Variants in NISCH observed in about 807,000 individuals in gnomAD.
The protein encoded by NISCH is nischarin.
A neutral mutation model predicts 138.4 loss-of-function variants in NISCH; 55 were observed. The observed-to-expected ratio is 0.40, with a 90% CI of 0.32 to 0.50. The LOEUF (loss-of-function observed/expected upper bound fraction) is 0.50. Ranked by LOEUF, NISCH falls within the 20% of genes least tolerant of loss-of-function variation. The pLI, the probability that NISCH is intolerant of heterozygous loss-of-function variation, is 0.71. For missense variants in NISCH, 1,643 were observed against 2,005.5 expected, an observed-to-expected ratio of 0.82 and a Z score of 3.45; for synonymous variants, 860 against 861.5, an observed-to-expected ratio of 1.00 and a Z score of 0.03.
intron 3 of NISCH, among the ~76,000 whole-genome samples, chr3:52,463,901 T>G (rs920857666): frequency 6.6e-6 from 1 of 150,830 alleles, no homozygotes. Context: ...TTTTTGTATT[T>G]TTTTCATTAG....
chr3:52,475,013 A>G (rs11721286), intron 7 of NISCH, among the ~76,000 whole-genome samples: 146,087 of 152,280 alleles, frequency 0.96, 70,123 homozygotes, highest in African/African-American at 0.99. Context: ...TTCCCTGGGT[A>G]TAGAAAAGGC....
intron 3 of NISCH, among the ~76,000 whole-genome samples, chr3:52,470,366 G>T (rs1320595502): frequency 6.6e-6 from 1 of 152,200 alleles, no homozygotes; most frequent in Non-Finnish European, 1.5e-5. Context: ...CTTTTCCTGA[G>T]ACACATTTGA....
chr3:52,468,790 T>G (rs753504862), intron 3 of NISCH, among the ~76,000 whole-genome samples: 1 of 152,074 alleles, frequency 6.6e-6, no homozygotes, highest in Non-Finnish European at 1.5e-5. Flanking sequence ...GTATATAAAC[T>G]GAATTTCAAG....
At chr3:52,477,524 T>A in intron 8 of NISCH, 50 bp from the exon 9 acceptor site, 1 of 1,516,046 alleles carries the variant, frequency 6.6e-7, no homozygotes, top group Non-Finnish European at 9.2e-7. Flanking sequence ...GGGACCGTGT[T>A]TGGGGTCCAG....
chr3:52,477,437 C>T, intron 8 of NISCH, 137 bp from the exon 9 acceptor site: 1 of 677,470 alleles, frequency 1.5e-6, no homozygotes, highest in South Asian at 1.7e-5. Context: ...AGATGTCCCA[C>T]CAGTGGTCCT....
At chr3:52,471,108 CG>C (rs1706934167) in intron 4 of NISCH, among the ~76,000 whole-genome samples, 2 of 152,138 alleles carry the variant, frequency 1.3e-5, no homozygotes, top group Admixed American at 6.5e-5. Flanking sequence ...TGTTCCAAAG[CG>C]CTGTGGTGGG....
Position 52,466,481 on chromosome 3 carries a change from C to T in NISCH, c.361-4378C>T, listed in dbSNP as rs1377555787. ...TCCAGAGACTCAGGCAGGAGAATTG[C>T]TTGAACCCAGGAGGCGGAGGTTGTA... is the stretch of plus-strand genomic sequence containing the variant. On this transcript the variant is annotated intron_variant, in intron 3 of 20. Transcript: ENST00000345716. Among the ~76,000 whole-genome samples, 4 of 151,152 alleles carry T rather than the reference C, an allele frequency of 2.6e-5. No homozygotes were observed. The East Asian group carries it at 7.8e-4, about 30-fold the overall frequency.
Position 52,490,744 on chromosome 3 carries a change from C to T in NISCH, c.3653C>T (p.Pro1218Leu), listed in dbSNP as rs1229262046. 2 of 1,614,214 alleles carry T rather than the reference C, an allele frequency of 1.2e-6. No individual in the cohort carries two copies. The highest frequency in any genetic ancestry group is 2.2e-5 in the East Asian group (1 of 44,890). The stretch of plus-strand genomic sequence containing the variant: ...AAAAACACCGACTACAACAACAGCC[C>T]TTTCCACATCTCCCAGTGCTTCGTG... ...HQKNTDYNNS[P>L]FHISQCFVLK... is the part of the protein sequence containing the mutation. Residue 1218 changes from proline to leucine, a missense_variant, in exon 19 of 21, where the codon CCT becomes CTT. By Grantham distance (98) the Pro-to-Leu change is moderately conservative. Coordinates refer to ENST00000345716, the MANE Select transcript of NISCH (RefSeq NM_007184.4).
chr3:52,479,669 A>G (rs886317333), intron 11 of NISCH, 80 bp from the exon 12 acceptor site: 7 of 1,004,630 alleles, frequency 7.0e-6, no homozygotes, highest in Middle Eastern at 2.1e-4. Context: ...ACCAGTCCCC[A>G]TGCTGATAGC....
intron 3 of NISCH, among the ~76,000 whole-genome samples, chr3:52,460,130 G>A (rs1055182256): frequency 1.6e-5 from 2 of 123,644 alleles, no homozygotes; most frequent in Non-Finnish European, 3.1e-5. Context: ...GCAGTAAGTC[G>A]AGATCATGTC....
chr3:52,457,894 C>T lies in NISCH; in HGVS notation c.145C>T (p.Arg49Cys). 2 of 1,611,474 alleles carry T rather than the reference C, an allele frequency of 1.2e-6. No individual in the cohort carries two copies. The highest frequency in any genetic ancestry group is 1.7e-6 in the Non-Finnish European group (2 of 1,177,806). The part of the protein sequence containing the change: ...DGSHEWTVKH[R>C]YSDFHDLHEK... ...CAGCCATGAGTGGACAGTAAAGCACCGCTACAGCGACTTCCATGACCTGCA... is the reference window on the plus strand; with the variant it reads ...CAGCCATGAGTGGACAGTAAAGCACTGCTACAGCGACTTCCATGACCTGCA... Residue 49 changes from arginine to cysteine, a missense_variant, in exon 2 of 21, where the codon CGC becomes TGC. Physicochemically the swap from Arg to Cys is radical, Grantham distance 180 (BLOSUM62 -3). Coordinates refer to ENST00000345716, the MANE Select transcript of NISCH (RefSeq NM_007184.4).
At chr3:52,474,454 A>G (rs905983910) in intron 7 of NISCH, among the ~76,000 whole-genome samples, 35 of 151,910 alleles carry the variant, frequency 2.3e-4, no homozygotes, top group African/African-American at 7.2e-4. Context: ...CCGCCACCAC[A>G]CCCAGCTAAT....
intron 13 of NISCH, chr3:52,481,062 C>A: frequency 7.5e-7 from 1 of 1,327,644 alleles, no homozygotes. Flanking sequence ...GAAAACAGTT[C>A]AACCCGATGT....
intron 3 of NISCH, among the ~76,000 whole-genome samples, chr3:52,469,182 T>TG (rs1219547842): frequency 6.6e-6 from 1 of 152,066 alleles, no homozygotes; most frequent in Admixed American, 6.6e-5. Flanking sequence ...CTGTGAGTTA[T>TG]GAGGATTATG....
intron 3 of NISCH, among the ~76,000 whole-genome samples, chr3:52,460,143 T>A (rs1216548003): frequency 1.6e-5 from 2 of 122,762 alleles, no homozygotes; most frequent in Middle Eastern, 5.0e-3. Context: ...ATCATGTCAC[T>A]GCACTCCAGC....
chr3:52,488,925 G>T (rs1707487491), intron 16 of NISCH, among the ~76,000 whole-genome samples: 1 of 152,232 alleles, frequency 6.6e-6, no homozygotes, highest in African/African-American at 2.4e-5. Context: ...GCAACAGGCT[G>T]CAGCACACCG....
intron 3 of NISCH, among the ~76,000 whole-genome samples, chr3:52,459,591 A>G (rs1706574595): frequency 6.6e-6 from 1 of 151,788 alleles, no homozygotes; most frequent in Non-Finnish European, 1.5e-5. Context: ...GCACCACCAC[A>G]CCCAGCTAAT....
Position 52,491,345 on chromosome 3 carries a change from C to T in NISCH, c.3743-7C>T, listed in dbSNP as rs1268600144. ...CCTGTGGCCCTGACCAGCCCCTTCT[C>T]GTGCAGGTTCCACCCCGATGCAGGT... On this transcript the variant is annotated splice_region_variant and splice_polypyrimidine_tract_variant and intron_variant, in intron 19 of 20. Transcript: ENST00000345716. 6.2e-6 allele frequency: 10 copies of T among 1,608,184 alleles called. No individual in the cohort carries two copies. The highest frequency in any genetic ancestry group is 2.7e-5 in the African/African-American group (2 of 74,898).
rs1157510634 is a variant in NISCH, at chr3:52,473,825, T to A, written c.761T>A (p.Met254Lys). 1 of 1,605,834 alleles carries A rather than the reference T, an allele frequency of 6.2e-7. No individual in the cohort carries two copies. Among genetic ancestry groups the A allele is most frequent in the East Asian group, 2.2e-5 (1 of 44,598 alleles). Residue 254 changes from methionine to lysine, a missense_variant, in exon 7 of 21, where the codon ATG becomes AAG. Coordinates refer to ENST00000345716, the MANE Select transcript of NISCH (RefSeq NM_007184.4). Reference protein sequence around the residue: ...TLSVRFSATSMKEVLVPEASE... With the variant: ...TLSVRFSATSKKEVLVPEASE... ...AGTGTCCGCTTCTCAGCAACCTCGA[T>A]GAAGGTAAGCTTCACCTATATCCTG...
Sources: allele counts gnomAD v4.1 joint callset (sites outside exome capture counted in the v4.1 genomes callset), GRCh38; gene constraint gnomAD v4.1.1; transcripts MANE v1.5; gene names NCBI Gene and HGNC (gene_info 2026-07-23, HGNC 2026-07-21).